Variants in CCBE1 observed in about 807,000 individuals in gnomAD.
CCBE1 encodes the protein collagen and calcium binding EGF domains 1.
CCBE1 carries 37 observed loss-of-function variants against 50.0 expected under a neutral mutation model. The observed-to-expected ratio is 0.74, with a 90% CI of 0.57 to 0.97. The LOEUF is 0.97. CCBE1 is among the 50% of genes least tolerant of loss of function. CCBE1 has a pLI of 0.00. For synonymous variants in CCBE1, 234 were observed against 203.7 expected (o/e 1.15, Z -1.27); for missense variants, 538 against 523.8 (o/e 1.03, Z -0.26).
Position 59,590,490 on chromosome 18 carries a change from TTTTG to T in CCBE1, c.212+106135_212+106138del, listed in dbSNP as rs1357809549. Among the ~76,000 whole-genome samples the T allele has an allele frequency of 2.3e-4, 35 of 151,850 alleles. No homozygotes were observed. In the South Asian group the frequency reaches 6.6e-3, roughly 29 times the overall value. On this transcript the variant is annotated intron_variant, in intron 2 of 10. Transcript: ENST00000439986. ...ATTACAAACTCCAAAAATATCAAAT[TTTTG>T]TTTTTTTATGGAGCTAGGCATGATG...
chr18:59,648,232 C>T (rs1211743134), intron 2 of CCBE1, among the ~76,000 whole-genome samples: 1 of 152,172 alleles, frequency 6.6e-6, no homozygotes, highest in Non-Finnish European at 1.5e-5. Flanking sequence ...ACACACATTC[C>T]CTTTTTCCCT....
At chr18:59,514,867 C>T (rs1365257335) in intron 2 of CCBE1, among the ~76,000 whole-genome samples, 1 of 151,956 alleles carries the variant, frequency 6.6e-6, no homozygotes. Context: ...CAATAAACCT[C>T]TATAATTCCG....
In CCBE1 at chr18:59,439,733, G is replaced by A. The variant is rs749999713; in HGVS notation, c.859C>T (p.Pro287Ser). The A allele has an allele frequency of 5.0e-6, 8 of 1,614,232 alleles. No homozygotes were observed. Among genetic ancestry groups the A allele is most frequent in the Non-Finnish European group, 5.9e-6 (7 of 1,180,034 alleles). ...GACAGATCAGGAGATGGTCCCATGG[G>A]TCCCATTGAGCCCCGTGGGCCGGGC... ...GQPGPRGSMG[P>S]MGPSPDLSHI... The change falls in exon 8 of 11, where the codon CCC becomes TCC. Residue 287 changes from proline to serine, a missense_variant. Coordinates refer to ENST00000439986, the MANE Select transcript of CCBE1 (RefSeq NM_133459.4).
At chr18:59,523,015 T>A (rs1013126317) in intron 2 of CCBE1, among the ~76,000 whole-genome samples, 12 of 104,112 alleles carry the variant, frequency 1.2e-4, no homozygotes, top group African/African-American at 5.3e-4. Context: ...AAAAAAAAAT[T>A]CTCAATGTTA....
chr18:59,689,340 C>T (rs900634640), intron 2 of CCBE1, among the ~76,000 whole-genome samples: 5 of 152,224 alleles, frequency 3.3e-5, no homozygotes, highest in African/African-American at 1.2e-4. Flanking sequence ...AGGTCTAGAA[C>T]GGATGTGGTC....
At chr18:59,458,960 A>G (rs1449501655) in intron 5 of CCBE1, 1 of 152,224 alleles carries the variant, frequency 6.6e-6, no homozygotes, top group Non-Finnish European at 1.5e-5. Flanking sequence ...GAACTTGAAT[A>G]CTGATGCTGC....
intron 10 of CCBE1, among the ~76,000 whole-genome samples, chr18:59,437,088 C>T (rs754417352): frequency 1.3e-5 from 2 of 152,172 alleles, no homozygotes; most frequent in Non-Finnish European, 1.5e-5. Flanking sequence ...GTCAACTCCT[C>T]GTTGACTAGG....
chr18:59,485,243 G>A lies in CCBE1; in HGVS notation c.213-5005C>T, dbSNP rs79348313. Among the ~76,000 whole-genome samples the A allele has an allele frequency of 8.5e-3, 1,288 of 152,258 alleles. 12 individuals carry two copies. Among genetic ancestry groups the A allele is most frequent in the African/African-American group, 0.029 (1,207 of 41,532 alleles). ...GGAGTTTCCCCCTGGGTGCCCCTGA[G>A]TATTAACACATGTAAAAAAAATAAA... On this transcript the variant is annotated intron_variant, in intron 2 of 10. Coordinates refer to ENST00000439986, the MANE Select transcript of CCBE1 (RefSeq NM_133459.4).
chr18:59,611,962 TG>T (rs2053575053), intron 2 of CCBE1, among the ~76,000 whole-genome samples: 1 of 152,160 alleles, frequency 6.6e-6, no homozygotes, highest in South Asian at 2.1e-4. Flanking sequence ...GCTACATACC[TG>T]GAGTCCAACT....
chr18:59,644,783 T>C (rs921862681), intron 2 of CCBE1, among the ~76,000 whole-genome samples: 1 of 152,156 alleles, frequency 6.6e-6, no homozygotes, highest in Non-Finnish European at 1.5e-5. Context: ...CTACCCACAA[T>C]GCCTCCCCAT....
At position 59,435,568 on chromosome 18, in the gene CCBE1, T is replaced by A; in HGVS notation, c.*340A>T. ...TCCCCCTTTTGATACTCTGCCAAAT[T>A]TAACTTCAAGAATTTATGATTTAAG... is the stretch of plus-strand genomic sequence containing the variant. On this transcript the variant is annotated 3_prime_UTR_variant, in exon 11 of 11. Transcript: ENST00000439986. 1 of 334,752 alleles carries A rather than the reference T, an allele frequency of 3.0e-6. No homozygotes were observed. Among genetic ancestry groups the A allele is most frequent in the South Asian group, 3.1e-5 (1 of 32,516 alleles). The allele number at this position is 334,752 out of a possible 1,614,324, so 20.7% of individuals were successfully genotyped here.
chr18:59,690,472 CAGG>C lies in CCBE1; in HGVS notation c.212+6154_212+6156del, dbSNP rs1369250194. Reference sequence around the variant, plus strand: ...CAAAAGGAGCTCCGGTCCTGCTGAGCAGGAGAACAGCAGGGTTTGGGAAAGCTG... The same window carrying C: ...CAAAAGGAGCTCCGGTCCTGCTGAGCAGAACAGCAGGGTTTGGGAAAGCTG... On this transcript the variant is annotated intron_variant, in intron 2 of 10. Coordinates refer to ENST00000439986, the MANE Select transcript of CCBE1 (RefSeq NM_133459.4). 3.3e-5 allele frequency among the ~76,000 whole-genome samples: 5 copies of C among 152,346 alleles called. No homozygotes were observed. The East Asian group carries it at 9.6e-4, about 29-fold the overall frequency.
intron 2 of CCBE1, among the ~76,000 whole-genome samples, chr18:59,519,932 C>A (rs571994611): frequency 1.3e-5 from 2 of 152,270 alleles, no homozygotes; most frequent in South Asian, 4.2e-4. Flanking sequence ...AATAGGGAAT[C>A]ATTTCCCTAT....
intron 2 of CCBE1, chr18:59,696,371 C>T: frequency 2.3e-6 from 2 of 864,702 alleles, no homozygotes; most frequent in Non-Finnish European, 3.3e-6. Context: ...GACTTCCACA[C>T]AAGTATTTCA....
At chr18:59,574,410 C>T (rs2052960706) in intron 2 of CCBE1, among the ~76,000 whole-genome samples, 1 of 152,126 alleles carries the variant, frequency 6.6e-6, no homozygotes, top group East Asian at 1.9e-4. Flanking sequence ...AAATGAATGG[C>T]CAATGGGGTG....
chr18:59,648,709 C>T (rs370568388), intron 2 of CCBE1, among the ~76,000 whole-genome samples: 7 of 152,000 alleles, frequency 4.6e-5, no homozygotes, highest in East Asian at 1.9e-4. Context: ...CTCAAAAGAA[C>T]GAAAAAGACA....
intron 7 of CCBE1, among the ~76,000 whole-genome samples, chr18:59,446,304 A>G (rs1417854531): frequency 6.6e-6 from 1 of 152,204 alleles, no homozygotes; most frequent in Non-Finnish European, 1.5e-5. Context: ...TGTTCTAGTG[A>G]TCTATAGCCT....
chr18:59,577,522 T>A (rs556195757), intron 2 of CCBE1, among the ~76,000 whole-genome samples: 1 of 152,214 alleles, frequency 6.6e-6, no homozygotes, highest in Admixed American at 6.5e-5. Flanking sequence ...GATGAAAATA[T>A]GCTCAAATTT....
chr18:59,624,391 G>A (rs1242808426), intron 2 of CCBE1, among the ~76,000 whole-genome samples: 1 of 152,200 alleles, frequency 6.6e-6, no homozygotes, highest in Non-Finnish European at 1.5e-5. Context: ...AAGAGAGAAT[G>A]TGAGCATCAG....
Sources: gnomAD v4.1 joint callset for allele counts (sites outside exome capture counted in the v4.1 genomes callset) on GRCh38, gnomAD v4.1.1 for gene constraint, MANE v1.5 for transcripts, NCBI Gene and HGNC (gene_info 2026-07-23, HGNC 2026-07-21) for gene names.